LDB2: variants seen among roughly 807,000 people sequenced by gnomAD.
LDB2 encodes the protein LIM domain-binding protein 2.
In LDB2, 12 loss-of-function variants were observed where a neutral mutation model predicts 44.3. The ratio of observed to expected loss-of-function variants is 0.27; its 90% CI spans 0.17 to 0.44. LDB2 has a LOEUF of 0.44. Ranked by LOEUF, LDB2 falls within the 20% of genes least tolerant of loss-of-function variation. The pLI, the probability that LDB2 is intolerant of heterozygous loss-of-function variation, is 1.00. For missense variants in LDB2, 344 were observed against 473.5 expected, an observed-to-expected ratio of 0.73 and a Z score of 2.54; for synonymous variants, 164 against 174.8, an observed-to-expected ratio of 0.94 and a Z score of 0.49.
At chr4:16,562,454 C>T (rs1742746851) in intron 5 of LDB2, among the ~76,000 whole-genome samples, 1 of 152,178 alleles carries the variant, frequency 6.6e-6, no homozygotes, top group Non-Finnish European at 1.5e-5. Context: ...AGCCAACAGA[C>T]ACATGAAAAA....
intron 2 of LDB2, among the ~76,000 whole-genome samples, chr4:16,652,379 A>G (rs1738535890): frequency 6.6e-6 from 1 of 152,216 alleles, no homozygotes; most frequent in African/African-American, 2.4e-5. Flanking sequence ...AGCTACTTAA[A>G]CAGATTGGTT....
intron 1 of LDB2, among the ~76,000 whole-genome samples, chr4:16,767,493 G>A (rs1251845753): frequency 2.1e-5 from 3 of 145,494 alleles, no homozygotes; most frequent in Admixed American, 6.8e-5. Context: ...CACTGCCACA[G>A]GGCTTCTGAT....
chr4:16,726,311 C>T (rs1189301732), intron 2 of LDB2: 4 of 152,124 alleles, frequency 2.6e-5, no homozygotes, highest in Non-Finnish European at 4.4e-5. Context: ...AATGATCTAA[C>T]GTTTCTGAGT....
At chr4:16,544,279 C>G (rs1734921387) in intron 5 of LDB2, among the ~76,000 whole-genome samples, 1 of 152,184 alleles carries the variant, frequency 6.6e-6, no homozygotes, top group Non-Finnish European at 1.5e-5. Context: ...GATGTGGGGA[C>G]TGCAAGTCCG....
rs1007018570 is a variant in LDB2, at chr4:16,533,867, A to T, written c.616-21763T>A. On this transcript the variant is annotated intron_variant, in intron 5 of 7. Coordinates refer to ENST00000304523, the MANE Select transcript of LDB2 (RefSeq NM_001290.5). The surrounding 1 kb of genome is among the most constrained non-coding windows in gnomAD (Gnocchi z 4.1). ...AATGCTTCCAGGCCAGTTCATGCCT[A>T]CCGAAGTAAAAATCTTCATGCCAGT... Among the ~76,000 whole-genome samples, 3 of 152,238 alleles carry T rather than the reference A, an allele frequency of 2.0e-5. No individual in the cohort carries two copies. The highest frequency in any genetic ancestry group is 7.2e-5 in the African/African-American group (3 of 41,466).
intron 1 of LDB2, among the ~76,000 whole-genome samples, chr4:16,799,038 A>C (rs1777271034): frequency 6.6e-6 from 1 of 152,048 alleles, no homozygotes; most frequent in Non-Finnish European, 1.5e-5. Flanking sequence ...TATTTTTAGT[A>C]GAGACCGGGT....
intron 5 of LDB2, among the ~76,000 whole-genome samples, chr4:16,519,715 G>T (rs936521357): frequency 1.3e-5 from 2 of 151,052 alleles, no homozygotes; most frequent in African/African-American, 4.9e-5. Flanking sequence ...ATGTGTTCTT[G>T]GCCAAGAATT....
chr4:16,827,001 G>A lies in LDB2; in HGVS notation c.133-67741C>T, dbSNP rs115460746. On this transcript the variant is annotated intron_variant, in intron 1 of 7. Coordinates refer to ENST00000304523, the MANE Select transcript of LDB2 (RefSeq NM_001290.5). ...ATAATCATGATTCAGAGACAGGAAC[G>A]TAAAGGAAGATTCCCTCGTGAGAAC... Among the ~76,000 whole-genome samples the A allele has an allele frequency of 3.8e-3, 573 of 152,266 alleles. 4 individuals are homozygous for A. The highest frequency in any genetic ancestry group is 0.013 in the African/African-American group (548 of 41,530).
intron 1 of LDB2, among the ~76,000 whole-genome samples, chr4:16,770,736 A>C (rs1770486013): frequency 3.9e-5 from 6 of 152,156 alleles, no homozygotes; most frequent in Admixed American, 3.9e-4. Flanking sequence ...GTTGTTTTTT[A>C]ATAACTAAAT....
intron 1 of LDB2, among the ~76,000 whole-genome samples, chr4:16,860,379 C>A (rs1712117714): frequency 1.3e-5 from 2 of 152,066 alleles, no homozygotes; most frequent in East Asian, 3.9e-4. Flanking sequence ...ACACACACAC[C>A]CACAAAGTGG....
chr4:16,619,796 G>GTA (rs775759949), intron 2 of LDB2, among the ~76,000 whole-genome samples: 1 of 136,004 alleles, frequency 7.4e-6, no homozygotes, highest in Non-Finnish European at 1.6e-5. Context: ...GGATATCTCT[G>GTA]TTTTTTTTTT....
intron 1 of LDB2, among the ~76,000 whole-genome samples, chr4:16,790,425 G>C (rs906692933): frequency 2.0e-4 from 31 of 152,106 alleles, no homozygotes; most frequent in African/African-American, 7.2e-4. Context: ...CTGATACATG[G>C]CACTAGATAT....
chr4:16,743,639 G>T (rs1048365739), intron 2 of LDB2, among the ~76,000 whole-genome samples: 12 of 151,952 alleles, frequency 7.9e-5, no homozygotes, highest in Admixed American at 4.6e-4. Context: ...TTGTAGAGGG[G>T]ACCCCCATGC....
intron 3 of LDB2, among the ~76,000 whole-genome samples, chr4:16,590,923 A>T (rs1718701177): frequency 6.6e-6 from 1 of 152,214 alleles, no homozygotes; most frequent in African/African-American, 2.4e-5. Context: ...TTACGAAGAC[A>T]TTAAAAAGAG....
intron 5 of LDB2, among the ~76,000 whole-genome samples, chr4:16,570,739 A>T (rs778042034): frequency 5.3e-5 from 8 of 152,082 alleles, no homozygotes; most frequent in Non-Finnish European, 8.8e-5. Context: ...GTCATAAAAA[A>T]AATTTGGTTA....
chr4:16,637,558 C>T (rs571701362), intron 2 of LDB2, among the ~76,000 whole-genome samples: 27 of 152,002 alleles, frequency 1.8e-4, no homozygotes, highest in East Asian at 1.2e-3. Flanking sequence ...GGGTTTAAAA[C>T]GGACTCAACA....
At chr4:16,754,704 G>T (rs1460669618) in intron 2 of LDB2, among the ~76,000 whole-genome samples, 1 of 151,908 alleles carries the variant, frequency 6.6e-6, no homozygotes, top group Non-Finnish European at 1.5e-5. Context: ...GCCAATTTTT[G>T]TATTTTTAAT....
intron 1 of LDB2, among the ~76,000 whole-genome samples, chr4:16,798,599 C>T (rs1777178654): frequency 6.7e-6 from 1 of 150,184 alleles, no homozygotes; most frequent in Non-Finnish European, 1.5e-5. Context: ...GCTGAAAATG[C>T]CCCCCACCTC....
chr4:16,863,472 A>G (rs1403927867), intron 1 of LDB2, among the ~76,000 whole-genome samples: 2 of 152,162 alleles, frequency 1.3e-5, no homozygotes, highest in African/African-American at 2.4e-5. Flanking sequence ...AACCATTTTG[A>G]GAAACACTAT....
Sources: allele counts gnomAD v4.1 joint callset (sites outside exome capture counted in the v4.1 genomes callset), GRCh38; gene constraint gnomAD v4.1.1; non-coding constraint Gnocchi (gnomAD v3.1); transcripts MANE v1.5; gene names NCBI Gene and HGNC (gene_info 2026-07-23, HGNC 2026-07-21).